Variants in INSR observed in about 807,000 individuals in gnomAD.
INSR encodes the protein IR.
A neutral mutation model predicts 142.6 loss-of-function variants in INSR; 67 were observed. The observed-to-expected ratio is 0.47, with a 90% CI of 0.39 to 0.58. The LOEUF is 0.58. Ranked by LOEUF, INSR falls within the 20% of genes least tolerant of loss-of-function variation. The pLI, the probability that INSR is intolerant of heterozygous loss-of-function variation, is 0.00. For synonymous variants in INSR, 756 were observed against 743.1 expected, an observed-to-expected ratio of 1.02 and a Z score of -0.28; for missense variants, 1,248 against 1,833.2, an observed-to-expected ratio of 0.68 and a Z score of 5.83.
At chr19:7,253,005 C>T (rs1213930476) in intron 2 of INSR, among the ~76,000 whole-genome samples, 3 of 151,846 alleles carry the variant, frequency 2.0e-5, no homozygotes, top group African/African-American at 7.3e-5. Context: ...GTCCCAGCTA[C>T]TCAGGAGGCT....
At chr19:7,133,202 C>T (rs1395053842) in intron 13 of INSR, among the ~76,000 whole-genome samples, 1 of 152,098 alleles carries the variant, frequency 6.6e-6, no homozygotes, top group Non-Finnish European at 1.5e-5. Context: ...GTCAAGGGTG[C>T]AGTGAGCTAT....
intron 2 of INSR, among the ~76,000 whole-genome samples, chr19:7,260,165 C>T (rs573840198): frequency 1.3e-5 from 2 of 152,250 alleles, no homozygotes; most frequent in South Asian, 2.1e-4. Context: ...ATGTGGTAGG[C>T]ACAATACCAC....
chr19:7,180,846 C>T (rs7257861), intron 3 of INSR, among the ~76,000 whole-genome samples: 10,549 of 152,156 alleles, frequency 0.069, 472 homozygotes, highest in African/African-American at 0.12. Flanking sequence ...GAGAACTGGC[C>T]GAGCCCTCCC....
In INSR at chr19:7,158,296, C is replaced by G. The variant is rs35433137; in HGVS notation, c.2029+4736G>C. On this transcript the variant is annotated intron_variant, in intron 9 of 21. Coordinates refer to ENST00000302850, the MANE Select transcript of INSR (RefSeq NM_000208.4). ...TGGGCAGATCACGAGGTCAGGAGAT[C>G]GAGACCATCCTGGCTAACATGGTGA... 8.7e-3 allele frequency among the ~76,000 whole-genome samples: 1,324 copies of G among 151,870 alleles called. 14 individuals are homozygous for G. The highest frequency in any genetic ancestry group is 0.029 in the African/African-American group (1,205 of 41,414).
chr19:7,116,849 T>C lies in INSR; in HGVS notation c.*207A>G, dbSNP rs780631169. The C allele has an allele frequency of 1.2e-4, 65 of 562,516 alleles. No homozygotes were observed. Among genetic ancestry groups the C allele is most frequent in the Admixed American group, 2.5e-4 (8 of 31,620 alleles). The allele number at this position is 562,516 out of a possible 1,614,324, so 34.8% of individuals were successfully genotyped here. A position where few individuals can be genotyped will look rare whatever the true frequency, so the allele number is the denominator to read the frequency against. On this transcript the variant is annotated 3_prime_UTR_variant, in exon 22 of 22. Coordinates refer to ENST00000302850, the MANE Select transcript of INSR (RefSeq NM_000208.4). ...CAGCAACTGTGGAAACCCCTTGCCCTCCAGGTTCACAGTTAAATCCTCTGC... is the reference window on the plus strand; with the variant it reads ...CAGCAACTGTGGAAACCCCTTGCCCCCCAGGTTCACAGTTAAATCCTCTGC...
At chr19:7,154,366 G>A (rs1424050243) in intron 9 of INSR, among the ~76,000 whole-genome samples, 13 of 137,670 alleles carry the variant, frequency 9.4e-5, no homozygotes, top group African/African-American at 2.9e-4. Context: ...GCAGTGGCGC[G>A]ATCTTGGCTC....
chr19:7,210,145 G>T (rs1975230275), intron 2 of INSR, among the ~76,000 whole-genome samples: 1 of 151,962 alleles, frequency 6.6e-6, no homozygotes, highest in Admixed American at 6.6e-5. Flanking sequence ...AGGAGTTTGA[G>T]ACCAGCCTGA....
chr19:7,213,833 C>G, intron 2 of INSR, among the ~76,000 whole-genome samples: 1 of 151,994 alleles, frequency 6.6e-6, no homozygotes. Flanking sequence ...AGTAAAGATA[C>G]AAAAAATTAG....
intron 17 of INSR, among the ~76,000 whole-genome samples, chr19:7,124,540 GGAAAAAAAAAAAAAAAAAAAAAAAAAA>G (rs1842386878): frequency 2.8e-4 from 3 of 10,810 alleles, no homozygotes; most frequent in East Asian, 9.3e-3. Context: ...CTCCGTTTCA[GGAAAAAAAAAAAAAAAAAAAAAAAAAA>G]AAAAAAAAAA....
At chr19:7,261,985 C>T (rs780005395) in intron 2 of INSR, among the ~76,000 whole-genome samples, 74 of 152,326 alleles carry the variant, frequency 4.9e-4, no homozygotes, top group Middle Eastern at 6.8e-3. Context: ...TCCCCTGATG[C>T]TTCCAGAAGC....
At position 7,143,031 on chromosome 19, in the gene INSR, G is replaced by A. The variant is rs377048253; in HGVS notation, c.2327C>T (p.Thr776Met). Reference sequence around the variant, plus strand: ...GGAAGTGTTGGGGAAAGCTGCCACCGTGGGCACGGCCACCGTCACATTCCC... The same window carrying A: ...GGAAGTGTTGGGGAAAGCTGCCACCATGGGCACGGCCACCGTCACATTCCC... Reference protein sequence around the residue: ...DVGNVTVAVPTVAAFPNTSST... With the variant: ...DVGNVTVAVPMVAAFPNTSST... The change falls in exon 12 of 22, where the codon ACG becomes ATG. Residue 776 changes from threonine (T) to methionine (M), a missense_variant. Thr to Met is a moderately conservative substitution (Grantham distance 81, BLOSUM62 -1). Coordinates refer to ENST00000302850, the MANE Select transcript of INSR (RefSeq NM_000208.4). 2.0e-5 allele frequency: 33 copies of A among 1,614,090 alleles called. No homozygotes were observed. The highest frequency in any genetic ancestry group is 5.5e-5 in the South Asian group (5 of 91,094).
intron 1 of INSR, among the ~76,000 whole-genome samples, chr19:7,293,563 T>C (rs1968554444): frequency 6.6e-6 from 1 of 151,882 alleles, no homozygotes; most frequent in African/African-American, 2.4e-5. Context: ...GCAAGGTTCC[T>C]CGGGCTCAGG....
rs1485442187 is a variant in INSR at position 7,192,974 on chromosome 19, A to C, written c.653-8337T>G. Among the ~76,000 whole-genome samples the C allele has an allele frequency of 6.6e-6, 1 of 152,142 alleles. No homozygotes were observed. The highest frequency in any genetic ancestry group is 1.9e-4 in the East Asian group (1 of 5,194). On this transcript the variant is annotated intron_variant, in intron 2 of 21. Transcript: ENST00000302850. This position sits in a 1 kb window ranked among gnomAD's most constrained non-coding sequence, Gnocchi z 4.2. ...GTCCTCTGGTGGACCCTCCCCAAGAAAGACAATGTCCCCACTAAAGGACCC... is the reference window on the plus strand; with the variant it reads ...GTCCTCTGGTGGACCCTCCCCAAGACAGACAATGTCCCCACTAAAGGACCC...
Position 7,166,172 on chromosome 19 carries a change from C to G in INSR, c.1843G>C (p.Val615Leu), listed in dbSNP as rs1240624261. Reference sequence around the variant, plus strand: ...CACTCACTGGTGGCATCTGTCTGGACATAAATGATGTCACTCTTGGCCCCA... The same window carrying G: ...CACTCACTGGTGGCATCTGTCTGGAGATAAATGATGTCACTCTTGGCCCCA... ...TYGAKSDIIY[V>L]QTDATNPSVP... The change falls in exon 8 of 22, where the codon GTC becomes CTC. Residue 615 changes from valine (V) to leucine (L), a missense_variant. By Grantham distance (32) the Val-to-Leu change is conservative. Transcript: ENST00000302850. The surrounding 1 kb of genome is among the most constrained non-coding windows in gnomAD (Gnocchi z 4.1). 1.2e-6 allele frequency: 2 copies of G among 1,614,014 alleles called. No homozygotes were observed. The highest frequency in any genetic ancestry group is 2.7e-5 in the African/African-American group (2 of 74,908).
chr19:7,242,662 G>A (rs113067723), intron 2 of INSR, among the ~76,000 whole-genome samples: 11,700 of 149,000 alleles, frequency 0.079, 538 homozygotes, highest in Non-Finnish European at 0.096. Context: ...GCTTGAACCC[G>A]GGAGGTGGAG....
At chr19:7,191,345 AAGG>A (rs1407525305) in intron 2 of INSR, among the ~76,000 whole-genome samples, 7 of 139,412 alleles carry the variant, frequency 5.0e-5, no homozygotes, top group Admixed American at 2.1e-4. Flanking sequence ...GAAAGAAAGA[AAGG>A]AGGGAGGGAG....
intron 7 of INSR, 34 bp downstream of exon 7, chr19:7,167,934 G>A (rs554507852): frequency 1.1e-5 from 17 of 1,613,068 alleles, no homozygotes; most frequent in African/African-American, 6.7e-5. Context: ...GCCAGCCCTC[G>A]CCTCCTCAGC....
Position 7,216,045 on chromosome 19 carries a change from G to A in INSR, c.653-31408C>T, listed in dbSNP as rs1975423285. On this transcript the variant is annotated intron_variant, in intron 2 of 21. Transcript: ENST00000302850. The surrounding 1 kb of genome is among the most constrained non-coding windows in gnomAD (Gnocchi z 4.2). ...GTGGCTAAGAAGATGGAAGCAGGCT[G>A]GGCACGGTGGCTCACGCCTATAATC... 6.6e-6 allele frequency among the ~76,000 whole-genome samples: 1 copy of A among 151,992 alleles called. No individual in the cohort carries two copies. Among genetic ancestry groups the A allele is most frequent in the African/African-American group, 2.4e-5 (1 of 41,402 alleles).
intron 2 of INSR, among the ~76,000 whole-genome samples, chr19:7,231,597 G>A (rs942466365): frequency 1.3e-5 from 2 of 151,288 alleles, no homozygotes; most frequent in African/African-American, 4.9e-5. Flanking sequence ...CACGGCACCC[G>A]GCCCTGTGTT....
Sources: allele counts gnomAD v4.1 joint callset (sites outside exome capture counted in the v4.1 genomes callset), GRCh38; gene constraint gnomAD v4.1.1; non-coding constraint Gnocchi (gnomAD v3.1); transcripts MANE v1.5; gene names NCBI Gene and HGNC (gene_info 2026-07-23, HGNC 2026-07-21).